Variants in PRKCB observed in about 807,000 individuals in gnomAD.
PRKCB encodes the protein protein kinase C beta.
In PRKCB, 13 loss-of-function variants were observed where a neutral mutation model predicts 81.5. That is an observed-to-expected ratio of 0.16 (90% CI 0.10 to 0.25). The LOEUF is 0.25. Ranked by LOEUF, PRKCB falls within the 10% of genes least tolerant of loss-of-function variation. The pLI, the probability that PRKCB is intolerant of heterozygous loss-of-function variation, is 1.00. For missense variants in PRKCB, 509 were observed against 875.7 expected (o/e 0.58, Z 5.29); for synonymous variants, 335 against 321.4 (o/e 1.04, Z -0.45).
chr16:23,890,420 C>T (rs1249575621), intron 2 of PRKCB, among the ~76,000 whole-genome samples: 2 of 152,166 alleles, frequency 1.3e-5, no homozygotes, highest in African/African-American at 2.4e-5. Flanking sequence ...GAACAGGATG[C>T]CTTTGTTAGC....
intron 5 of PRKCB, among the ~76,000 whole-genome samples, chr16:24,054,173 G>A (rs1158810722): frequency 6.6e-6 from 1 of 151,648 alleles, no homozygotes; most frequent in Non-Finnish European, 1.5e-5. Flanking sequence ...GATGGGATCT[G>A]GCTATGTTGC....
At chr16:23,872,071 A>G (rs1962914871) in intron 2 of PRKCB, among the ~76,000 whole-genome samples, 1 of 152,184 alleles carries the variant, frequency 6.6e-6, no homozygotes, top group South Asian at 2.1e-4. Context: ...TCAAGGCCTG[A>G]GTGGCTTTGC....
At chr16:24,039,791 G>A (rs573574817) in intron 5 of PRKCB, among the ~76,000 whole-genome samples, 4 of 152,326 alleles carry the variant, frequency 2.6e-5, no homozygotes, top group African/African-American at 9.6e-5. Context: ...GGGTCCAACA[G>A]CATCTGGCAC....
intron 2 of PRKCB, among the ~76,000 whole-genome samples, chr16:23,853,239 C>T (rs1227885754): frequency 6.6e-6 from 1 of 152,224 alleles, no homozygotes; most frequent in African/African-American, 2.4e-5. Context: ...CTTGAAGTCT[C>T]TGTGGCTTGA....
chr16:23,960,534 C>T (rs1034043279), intron 2 of PRKCB, among the ~76,000 whole-genome samples: 5 of 151,692 alleles, frequency 3.3e-5, no homozygotes, highest in African/African-American at 7.3e-5. Context: ...CATAGGTAAA[C>T]ACGTGCCATG....
intron 3 of PRKCB, among the ~76,000 whole-genome samples, chr16:24,008,986 T>G (rs535209599): frequency 1.3e-5 from 2 of 152,334 alleles, no homozygotes; most frequent in South Asian, 4.1e-4. Context: ...TCATTTACCA[T>G]AATGTCCTCA....
chr16:24,132,189 C>T (rs1966854308), intron 9 of PRKCB, among the ~76,000 whole-genome samples: 1 of 152,186 alleles, frequency 6.6e-6, no homozygotes, highest in African/African-American at 2.4e-5. Flanking sequence ...TAGCAACTTT[C>T]AGAAACATCT....
intron 7 of PRKCB, among the ~76,000 whole-genome samples, chr16:24,101,111 A>C (rs186312228): frequency 6.6e-6 from 1 of 152,318 alleles, no homozygotes; most frequent in Admixed American, 6.5e-5. Context: ...GGAGATCCTG[A>C]ATCTTGTGAC....
At chr16:24,101,754 C>A (rs1373625453) in intron 7 of PRKCB, among the ~76,000 whole-genome samples, 5 of 152,156 alleles carry the variant, frequency 3.3e-5, no homozygotes, top group Non-Finnish European at 7.3e-5. Flanking sequence ...GTTTAACTCC[C>A]ACACATGCCA....
In PRKCB at chr16:24,074,338, C is replaced by T. The variant is rs1384310882; in HGVS notation, c.530-18453C>T. 3.3e-5 allele frequency among the ~76,000 whole-genome samples: 5 copies of T among 152,154 alleles called. 1 individual carries two copies. Among genetic ancestry groups the T allele is most frequent in the Admixed American group, 2.6e-4 (4 of 15,274 alleles). The stretch of plus-strand genomic sequence containing the variant: ...GAAGACAGAGAGGGTTCAAATCCCG[C>T]TCTACTGTTATCAGCTCTCTGTATA... On this transcript the variant is annotated intron_variant, in intron 5 of 16. Coordinates refer to ENST00000643927, the MANE Select transcript of PRKCB (RefSeq NM_002738.7).
Position 24,215,766 on chromosome 16 carries a change from G to A in PRKCB, c.*950G>A, listed in dbSNP as rs1386184848. ...ATTTAACCAAGAAGACGGCTGCGGA[G>A]CCTAGCAGACTCAGGCCTGTGGGAA... On this transcript the variant is annotated 3_prime_UTR_variant, in exon 17 of 17. Transcript: ENST00000643927. 1.0e-6 allele frequency: 1 copy of A among 985,694 alleles called. No homozygotes were observed. The allele number at this position is 985,694 out of a possible 1,614,324, so 61.1% of individuals were successfully genotyped here.
chr16:24,187,403 C>T (rs1967719406), intron 15 of PRKCB, among the ~76,000 whole-genome samples: 1 of 152,168 alleles, frequency 6.6e-6, no homozygotes, highest in Admixed American at 6.5e-5. Flanking sequence ...TAATAGCACT[C>T]CACATTGGGT....
Position 24,219,751 on chromosome 16 carries a change from T to C in PRKCB, c.*4935T>C. ...GACATTCAATGACTTACTTCTTTTC[T>C]TAGAAAATTTCCACCACATTTCTAT... On this transcript the variant is annotated 3_prime_UTR_variant, in exon 17 of 17. Coordinates refer to ENST00000643927, the MANE Select transcript of PRKCB (RefSeq NM_002738.7). The C allele has an allele frequency of 7.2e-7, 1 of 1,382,658 alleles. No homozygotes were observed. The highest frequency in any genetic ancestry group is 9.3e-7 in the Non-Finnish European group (1 of 1,069,742). The allele number at this position is 1,382,658 out of a possible 1,614,324, so 85.6% of individuals were successfully genotyped here. A position where few individuals can be genotyped will look rare whatever the true frequency, so the allele number is the denominator to read the frequency against.
intron 2 of PRKCB, among the ~76,000 whole-genome samples, chr16:23,895,011 G>T (rs1370046196): frequency 6.6e-6 from 1 of 152,072 alleles, no homozygotes; most frequent in Non-Finnish European, 1.5e-5. Context: ...TTAGAAGTTT[G>T]AGTGGATTTA....
intron 13 of PRKCB, among the ~76,000 whole-genome samples, chr16:24,184,244 G>T (rs1382647925): frequency 6.6e-6 from 1 of 152,094 alleles, no homozygotes; most frequent in Non-Finnish European, 1.5e-5. Flanking sequence ...TGGGAGCTTT[G>T]CTTGAGTTTG....
At chr16:23,849,901 C>G (rs1221253445) in intron 2 of PRKCB, among the ~76,000 whole-genome samples, 1 of 152,116 alleles carries the variant, frequency 6.6e-6, no homozygotes, top group African/African-American at 2.4e-5. Context: ...CTATGTTACC[C>G]TGCTGTGCAA....
intron 2 of PRKCB, among the ~76,000 whole-genome samples, chr16:23,982,143 CCCTTT>C (rs1272670427): frequency 1.9e-3 from 88 of 45,418 alleles, no homozygotes; most frequent in Non-Finnish European, 2.6e-3. Flanking sequence ...CCTTTCCCTT[CCCTTT>C]CCCTTCCCCT....
intron 5 of PRKCB, among the ~76,000 whole-genome samples, chr16:24,061,803 T>C (rs1452134541): frequency 6.6e-6 from 1 of 151,518 alleles, no homozygotes; most frequent in African/African-American, 2.4e-5. Flanking sequence ...ACTGGGCAAT[T>C]TGTTAAAAAA....
intron 2 of PRKCB, among the ~76,000 whole-genome samples, chr16:23,914,460 T>C (rs1963708574): frequency 6.6e-6 from 1 of 152,160 alleles, no homozygotes; most frequent in Non-Finnish European, 1.5e-5. Flanking sequence ...AATTGGATGC[T>C]TGGTGAGCAT....
Sources: allele counts gnomAD v4.1 joint callset (sites outside exome capture counted in the v4.1 genomes callset), GRCh38; gene constraint gnomAD v4.1.1; transcripts MANE v1.5; gene names NCBI Gene and HGNC (gene_info 2026-07-23, HGNC 2026-07-21).